Variants in HINT3 observed in about 807,000 individuals in gnomAD.
The protein encoded by HINT3 is histidine triad nucleotide binding protein 3, also known as adenosine 5'-monophosphoramidase HINT3.
Under a neutral mutation model 19.1 loss-of-function variants are expected in HINT3, and 16 were observed. The observed-to-expected ratio is 0.84, with a 90% confidence interval of 0.57 to 1.27. The LOEUF (loss-of-function observed/expected upper bound fraction) is 1.27, where lower values mean the gene tolerates loss of function less well. Among genes scored for constraint, HINT3 ranks in the 50% most tolerant of loss-of-function variants. The pLI is 0.00. For synonymous variants in HINT3, 75 were observed against 84.8 expected (o/e 0.88, Z 0.63); for missense variants, 197 against 225.8 (o/e 0.87, Z 0.82).
chr6:125,958,518 A>G (rs1788872612), intron 1 of HINT3, among the ~76,000 whole-genome samples: 2 of 152,236 alleles, frequency 1.3e-5, no homozygotes, highest in African/African-American at 4.8e-5. Flanking sequence ...GAGACCCGTT[A>G]GAAGGCTAGT....
intron 2 of HINT3, among the ~76,000 whole-genome samples, chr6:125,970,004 A>G (rs931171007): frequency 7.2e-5 from 11 of 152,028 alleles, no homozygotes; most frequent in African/African-American, 2.2e-4. Flanking sequence ...TCTGGCTAGG[A>G]CTTCTGAAAT....
chr6:125,960,289 C>T (rs1451859601), intron 1 of HINT3, among the ~76,000 whole-genome samples: 5 of 152,180 alleles, frequency 3.3e-5, no homozygotes, highest in Admixed American at 6.5e-5. Context: ...TGAGATTACA[C>T]AAGGTAGGCA....
At chr6:125,972,604 T>G (rs1049939656) in intron 3 of HINT3, among the ~76,000 whole-genome samples, 1 of 152,162 alleles carries the variant, frequency 6.6e-6, no homozygotes, top group Admixed American at 6.5e-5. Context: ...AAAAAAAAAT[T>G]TTTGAGATAG....
At chr6:125,967,984 A>C (rs1002035147) in intron 2 of HINT3, among the ~76,000 whole-genome samples, 2 of 152,196 alleles carry the variant, frequency 1.3e-5, no homozygotes, top group African/African-American at 4.8e-5. Flanking sequence ...TTTTTATTTT[A>C]GATTTGACGG....
intron 2 of HINT3, among the ~76,000 whole-genome samples, chr6:125,968,167 T>G (rs1789044537): frequency 6.6e-6 from 1 of 152,162 alleles, no homozygotes; most frequent in Admixed American, 6.5e-5. Context: ...CCCATTTCTC[T>G]CTCCCACTTT....
At chr6:125,975,953 C>A (rs1470357515) in intron 4 of HINT3, among the ~76,000 whole-genome samples, 1 of 152,164 alleles carries the variant, frequency 6.6e-6, no homozygotes, top group Non-Finnish European at 1.5e-5. Context: ...TGTTTATACA[C>A]CTGTGGTCTG....
chr6:125,969,435 C>T (rs546074046), intron 2 of HINT3, among the ~76,000 whole-genome samples: 5 of 152,102 alleles, frequency 3.3e-5, no homozygotes, highest in South Asian at 2.1e-4. Context: ...AGTTGGGTAA[C>T]GTGATGCCTC....
At chr6:125,963,608 G>A (rs1392116048) in intron 1 of HINT3, among the ~76,000 whole-genome samples, 2 of 152,178 alleles carry the variant, frequency 1.3e-5, no homozygotes, top group East Asian at 3.9e-4. Flanking sequence ...ATTTCCAAAA[G>A]GATAAAAGTT....
intron 4 of HINT3, 23 bp downstream of exon 4, chr6:125,974,996 C>T (rs1789161427): frequency 6.2e-7 from 1 of 1,606,082 alleles, no homozygotes; most frequent in Non-Finnish European, 8.5e-7. Context: ...GTTATGTCAG[C>T]AGCATACAAA....
At chr6:125,963,942 C>G (rs559684003) in intron 1 of HINT3, among the ~76,000 whole-genome samples, 2 of 152,236 alleles carry the variant, frequency 1.3e-5, no homozygotes, top group African/African-American at 4.8e-5. Context: ...AATGACACAC[C>G]ATTTTTTAAG....
chr6:125,957,039 C>T lies in HINT3; in HGVS notation c.62C>T (p.Thr21Ile). ...GCCCCCGACTGTGAGGCCTCGGCGACTGCAGAAACTACGGTTTCCTCAGTG... is the reference window on the plus strand; with the variant it reads ...GCCCCCGACTGTGAGGCCTCGGCGATTGCAGAAACTACGGTTTCCTCAGTG... ...GLAPDCEASA[T>I]AETTVSSVGT... The change falls in exon 1 of 5, where the codon ACT becomes ATT. Residue 21 changes from threonine (T) to isoleucine (I), a missense_variant. Coordinates refer to ENST00000229633, the MANE Select transcript of HINT3 (RefSeq NM_138571.5). 2 of 1,550,786 alleles carry T rather than the reference C, an allele frequency of 1.3e-6. No homozygotes were observed. Among genetic ancestry groups the T allele is most frequent in the Non-Finnish European group, 1.7e-6 (2 of 1,146,872 alleles).
Position 125,956,841 on chromosome 6 carries a change from C to G in HINT3, c.-137C>G. On this transcript the variant is annotated 5_prime_UTR_variant, in exon 1 of 5. Transcript: ENST00000229633. ...CTCACCGCGTCTCCTTCCCTCTCCC[C>G]AAAGCCTGGATCACCGCCCAGCGTC... 1 of 940,978 alleles carries G rather than the reference C, an allele frequency of 1.1e-6. No individual in the cohort carries two copies. Among genetic ancestry groups the G allele is most frequent in the Non-Finnish European group, 1.6e-6 (1 of 641,618 alleles). 58.3% of individuals were successfully genotyped at this position (940,978 alleles called of 1,614,324 possible).
At chr6:125,966,507 A>G (rs1426987956) in intron 1 of HINT3, among the ~76,000 whole-genome samples, 1 of 152,208 alleles carries the variant, frequency 6.6e-6, no homozygotes, top group Non-Finnish European at 1.5e-5. Context: ...GTAGAAAGGA[A>G]TTTATCTATC....
chr6:125,971,702 CTTTTTTTT>C (rs142105115), intron 2 of HINT3, among the ~76,000 whole-genome samples: 5 of 59,628 alleles, frequency 8.4e-5, no homozygotes, highest in African/African-American at 3.1e-4. Flanking sequence ...GCCTGGCTAC[CTTTTTTTT>C]TTTTTTTTTT....
intron 1 of HINT3, among the ~76,000 whole-genome samples, chr6:125,962,233 T>TATACACATATATATATATAC (rs1554209736): frequency 4.8e-5 from 1 of 20,706 alleles, no homozygotes; most frequent in Non-Finnish European, 7.2e-5. Flanking sequence ...TATATATATA[T>TATACACATATATATATATAC]ACACATATAT....
At chr6:125,962,616 C>T (rs1372295904) in intron 1 of HINT3, among the ~76,000 whole-genome samples, 6 of 152,054 alleles carry the variant, frequency 3.9e-5, no homozygotes, top group African/African-American at 1.4e-4. Context: ...GAAAAATTTC[C>T]ATTTGGAAAA....
At chr6:125,962,211 CACATAT>C (rs1422019121) in intron 1 of HINT3, among the ~76,000 whole-genome samples, 1 of 12,508 alleles carries the variant, frequency 8.0e-5, no homozygotes, top group South Asian at 3.4e-3. Context: ...TATATATATA[CACATAT>C]ATATATATAT....
At chr6:125,969,474 C>T (rs897405663) in intron 2 of HINT3, among the ~76,000 whole-genome samples, 3 of 151,974 alleles carry the variant, frequency 2.0e-5, no homozygotes, top group African/African-American at 7.2e-5. Flanking sequence ...TTAGGATTGT[C>T]TTGGCTACTT....
Position 125,965,363 on chromosome 6 carries a change from C to T in HINT3, c.202-1524C>T, listed in dbSNP as rs373516609. ...CCTCTGGATTTTAAAAAATTAATGC[C>T]GTAATTGAGGGGAAATAAAGATATA... On this transcript the variant is annotated intron_variant, in intron 1 of 4. Transcript: ENST00000229633. Among the ~76,000 whole-genome samples, 19 of 152,084 alleles carry T rather than the reference C, an allele frequency of 1.2e-4. No individual in the cohort carries two copies. In the East Asian group the frequency reaches 2.5e-3, roughly 20 times the overall value.
Sources: allele counts gnomAD v4.1 joint callset (sites outside exome capture counted in the v4.1 genomes callset), GRCh38; gene constraint gnomAD v4.1.1; transcripts MANE v1.5; gene names NCBI Gene and HGNC (gene_info 2026-07-23, HGNC 2026-07-21).